The following UBASH3B variants were observed in gnomAD, a reference collection of about 807,000 sequenced individuals.
UBASH3B encodes ubiquitin-associated and SH3 domain-containing protein B.
Under a neutral mutation model 83.4 loss-of-function variants are expected in UBASH3B, and 37 were observed. That is an observed-to-expected ratio of 0.44 (90% CI 0.34 to 0.58). The LOEUF (loss-of-function observed/expected upper bound fraction) is 0.58, where lower values mean the gene tolerates loss of function less well. Ranked by LOEUF, UBASH3B falls within the 20% of genes least tolerant of loss-of-function variation. UBASH3B has a pLI of 0.01. For synonymous variants in UBASH3B, 304 were observed against 318.3 expected (o/e 0.96, Z 0.48); for missense variants, 657 against 827.2 (o/e 0.79, Z 2.52).
intron 1 of UBASH3B, among the ~76,000 whole-genome samples, chr11:122,673,347 C>T (rs1312124404): frequency 3.3e-5 from 5 of 152,124 alleles, no homozygotes; most frequent in African/African-American, 1.2e-4. Context: ...CCTTTAACTC[C>T]TTACCATAGA....
At chr11:122,666,844 C>T (rs1222520900) in intron 1 of UBASH3B, among the ~76,000 whole-genome samples, 1 of 151,932 alleles carries the variant, frequency 6.6e-6, no homozygotes, top group Non-Finnish European at 1.5e-5. Flanking sequence ...GGCTCCTCTT[C>T]CCTTCTTTTC....
intron 1 of UBASH3B, among the ~76,000 whole-genome samples, chr11:122,729,817 A>AAG (rs1860809177): frequency 6.8e-6 from 1 of 147,348 alleles, no homozygotes; most frequent in African/African-American, 2.5e-5. Context: ...AAAAAAAAAA[A>AAG]AACCCTAAAA....
chr11:122,754,244 C>T (rs1861249008), intron 1 of UBASH3B, among the ~76,000 whole-genome samples: 2 of 152,226 alleles, frequency 1.3e-5, no homozygotes, highest in African/African-American at 4.8e-5. Flanking sequence ...GCCTTTCTGG[C>T]TTATCAATGC....
intron 5 of UBASH3B, among the ~76,000 whole-genome samples, chr11:122,787,227 G>A (rs1466338574): frequency 6.6e-6 from 1 of 152,168 alleles, no homozygotes; most frequent in Non-Finnish European, 1.5e-5. Context: ...TAGCTTTGCA[G>A]TTTATGAGAT....
rs1860908827 is a variant in UBASH3B, at chr11:122,784,196, A to G, written c.771+974A>G. Among the ~76,000 whole-genome samples the G allele has an allele frequency of 2.0e-5, 3 of 152,152 alleles. No individual in the cohort carries two copies. The South Asian group carries it at 6.2e-4, about 32-fold the overall frequency. On this transcript the variant is annotated intron_variant, in intron 5 of 13. Transcript: ENST00000284273. ...TGATCTGCACGCCTCGGTGTCTCAA[A>G]GTGCTGGGATTACAAGCGTGAGCCG...
In UBASH3B at chr11:122,813,452, C is replaced by G. The variant is rs893645032; in HGVS notation, c.*3566C>G. On this transcript the variant is annotated 3_prime_UTR_variant, in exon 14 of 14. Transcript: ENST00000284273. ...AATTTCAAAGCAGTGATGAATTGCT[C>G]TTTTGAAATTACTCTAAGTAATCCA... 1 of 152,186 alleles carries G rather than the reference C, an allele frequency of 6.6e-6. No homozygotes were observed. The highest frequency in any genetic ancestry group is 1.5e-5 in the Non-Finnish European group (1 of 68,036). The allele number at this position is 152,186 out of a possible 1,614,324, so 9.4% of individuals were successfully genotyped here. A position where few individuals can be genotyped will look rare whatever the true frequency, so the allele number is the denominator to read the frequency against.
At chr11:122,756,998 T>A (rs1861292479) in intron 1 of UBASH3B, among the ~76,000 whole-genome samples, 1 of 152,234 alleles carries the variant, frequency 6.6e-6, no homozygotes, top group Non-Finnish European at 1.5e-5. Flanking sequence ...TTGAAGTAAG[T>A]GATCTTAGTC....
intron 8 of UBASH3B, 136 bp downstream of exon 8, chr11:122,796,412 C>T: frequency 7.4e-7 from 1 of 1,346,904 alleles, no homozygotes; most frequent in Non-Finnish European, 1.0e-6. Context: ...GTGTAAGCCC[C>T]TCCTGATTGT....
intron 6 of UBASH3B, among the ~76,000 whole-genome samples, chr11:122,789,570 T>G (rs1258615193): frequency 3.5e-4 from 53 of 152,170 alleles, no homozygotes; most frequent in Non-Finnish European, 8.8e-5. Context: ...GTCCATCTCT[T>G]CTGGCCGAAG....
intron 1 of UBASH3B, among the ~76,000 whole-genome samples, chr11:122,726,569 G>A (rs1040353713): frequency 1.3e-5 from 2 of 151,916 alleles, no homozygotes; most frequent in Non-Finnish European, 2.9e-5. Flanking sequence ...GGCTGGTCTC[G>A]CACTCCTGAC....
intron 1 of UBASH3B, among the ~76,000 whole-genome samples, chr11:122,762,720 C>T (rs1054476200): frequency 1.3e-5 from 2 of 152,206 alleles, no homozygotes; most frequent in Admixed American, 6.5e-5. Context: ...TATCGCCTTA[C>T]CTGAGGAGGT....
At chr11:122,740,389 C>T (rs1861005084) in intron 1 of UBASH3B, among the ~76,000 whole-genome samples, 1 of 152,150 alleles carries the variant, frequency 6.6e-6, no homozygotes, top group African/African-American at 2.4e-5. Context: ...AGAGCATGTA[C>T]TTGAAAGAGA....
chr11:122,727,997 C>CATCATT lies in UBASH3B; in HGVS notation c.162-48220_162-48219insCATTAT, dbSNP rs139914209. 9.0e-3 allele frequency among the ~76,000 whole-genome samples: 1,345 copies of CATCATT among 150,000 alleles called. 26 individuals are homozygous for CATCATT. Among genetic ancestry groups the CATCATT allele is most frequent in the African/African-American group, 0.031 (1,265 of 40,840 alleles). On this transcript the variant is annotated intron_variant, in intron 1 of 13. Coordinates refer to ENST00000284273, the MANE Select transcript of UBASH3B (RefSeq NM_032873.5). ...GCCCTGTAGTTTTAGCCCATCTTAT[C>CATCATT]ATTATTATTATTATTATTATTTTTA...
intron 11 of UBASH3B, among the ~76,000 whole-genome samples, chr11:122,804,328 G>A (rs183975144): frequency 2.6e-5 from 4 of 152,270 alleles, no homozygotes; most frequent in African/African-American, 9.6e-5. Context: ...GTGAGACTCA[G>A]AAGGCTGTTT....
chr11:122,794,363 G>A (rs975947395), intron 6 of UBASH3B, among the ~76,000 whole-genome samples: 6 of 152,084 alleles, frequency 3.9e-5, no homozygotes, highest in South Asian at 2.1e-4. Flanking sequence ...GCACAACCAC[G>A]CCCAGCTGAT....
intron 1 of UBASH3B, among the ~76,000 whole-genome samples, chr11:122,678,410 G>A (rs150001041): frequency 1.3e-5 from 2 of 152,282 alleles, no homozygotes; most frequent in African/African-American, 4.8e-5. Flanking sequence ...GCTGACCCAT[G>A]TTCCTTTGAG....
intron 1 of UBASH3B, among the ~76,000 whole-genome samples, chr11:122,767,202 C>T (rs542187202): frequency 4.2e-4 from 64 of 151,600 alleles, no homozygotes; most frequent in African/African-American, 1.2e-3. Flanking sequence ...TGCTTGAACC[C>T]GGGAAGCGGA....
intron 1 of UBASH3B, among the ~76,000 whole-genome samples, chr11:122,714,524 A>G (rs753627816): frequency 2.6e-5 from 4 of 152,228 alleles, no homozygotes; most frequent in South Asian, 2.1e-4. Context: ...TATTTGGCCC[A>G]GAGGCAGCGG....
chr11:122,682,983 T>C (rs10790520), intron 1 of UBASH3B, among the ~76,000 whole-genome samples: 49,539 of 152,050 alleles, frequency 0.33, 8,570 homozygotes, highest in Middle Eastern at 0.42. Context: ...TGGTGGCTTA[T>C]GCCTGTAATC....
Sources: gnomAD v4.1 joint callset for allele counts (sites outside exome capture counted in the v4.1 genomes callset) on GRCh38, gnomAD v4.1.1 for gene constraint, MANE v1.5 for transcripts, NCBI Gene and HGNC (gene_info 2026-07-23, HGNC 2026-07-21) for gene names.